The following MYLK variants were observed in gnomAD, a reference collection of about 807,000 sequenced individuals.
MYLK encodes the protein myosin light chain kinase, smooth muscle.
Under a neutral mutation model 203.4 loss-of-function variants are expected in MYLK, and 106 were observed. The ratio of observed to expected loss-of-function variants is 0.52; its 90% CI spans 0.45 to 0.61. The LOEUF is 0.61. MYLK is among the 20% of genes least tolerant of loss of function. MYLK has a pLI of 0.00. For synonymous variants in MYLK, 867 were observed against 959.5 expected, an observed-to-expected ratio of 0.90 and a Z score of 1.78; for missense variants, 2,072 against 2,442.3, an observed-to-expected ratio of 0.85 and a Z score of 3.20.
At position 123,613,722 on chromosome 3, in the gene MYLK, G is replaced by GGCTGA. The variant is rs1398288096; in HGVS notation, c.*378_*382dup. On this transcript the variant is annotated 3_prime_UTR_variant, in exon 34 of 34. Coordinates refer to ENST00000360304, the MANE Select transcript of MYLK (RefSeq NM_053025.4). The stretch of plus-strand genomic sequence containing the variant: ...GCCTCCCATCCCCAGGAACCCTCTG[G>GGCTGA]GCTGAGCTGTGGCCCAGAACTCTTG... 3.3e-6 allele frequency: 1 copy of GGCTGA among 300,318 alleles called. No individual in the cohort carries two copies. Among genetic ancestry groups the GGCTGA allele is most frequent in the East Asian group, 9.3e-5 (1 of 10,698 alleles). The allele number at this position is 300,318 out of a possible 1,614,324, so 18.6% of individuals were successfully genotyped here.
At chr3:123,854,972 C>T (rs1210384676) in intron 2 of MYLK, among the ~76,000 whole-genome samples, 1 of 152,130 alleles carries the variant, frequency 6.6e-6, no homozygotes, top group Non-Finnish European at 1.5e-5. Context: ...TTTATTTATA[C>T]ATAACTTGTA....
In MYLK at chr3:123,614,028, G is replaced by GTTTTTTTTT; in HGVS notation, c.*68_*76dup. ...ACACTAGGTGCTTTTACTATCTTGA[G>GTTTTTTTTT]TTTTTTTTTTTTTTTTGAGTTTTAG... On this transcript the variant is annotated 3_prime_UTR_variant, in exon 34 of 34. Transcript: ENST00000360304. The GTTTTTTTTT allele has an allele frequency of 7.7e-7, 1 of 1,291,578 alleles. No individual in the cohort carries two copies. Among genetic ancestry groups the GTTTTTTTTT allele is most frequent in the Non-Finnish European group, 1.1e-6 (1 of 932,596 alleles). The allele number at this position is 1,291,578 out of a possible 1,614,324, so 80.0% of individuals were successfully genotyped here. A position where few individuals can be genotyped will look rare whatever the true frequency, so the allele number is the denominator to read the frequency against.
intron 21 of MYLK, 185 bp downstream of exon 21, chr3:123,666,951 GC>G: frequency 1.6e-6 from 1 of 639,570 alleles, no homozygotes; most frequent in Non-Finnish European, 2.8e-6. Flanking sequence ...CAGGAGCCAG[GC>G]TGTGCAGAGG....
intron 5 of MYLK, among the ~76,000 whole-genome samples, chr3:123,748,345 G>A (rs1353029010): frequency 6.6e-6 from 1 of 152,186 alleles, no homozygotes; most frequent in East Asian, 1.9e-4. Flanking sequence ...TCCAACCTTG[G>A]AAATCACGTT....
chr3:123,723,873 G>A (rs1014877583), intron 12 of MYLK, among the ~76,000 whole-genome samples: 1 of 152,096 alleles, frequency 6.6e-6, no homozygotes, highest in East Asian at 1.9e-4. Flanking sequence ...TTTTTGTAGC[G>A]CCTGCAAGCT....
chr3:123,869,994 G>A (rs2032649376), intron 2 of MYLK, among the ~76,000 whole-genome samples: 1 of 151,888 alleles, frequency 6.6e-6, no homozygotes, highest in Non-Finnish European at 1.5e-5. Context: ...CAGGCATGAA[G>A]GTCACTTAGG....
intron 24 of MYLK, among the ~76,000 whole-genome samples, chr3:123,654,819 C>T (rs1276129576): frequency 6.7e-6 from 1 of 149,276 alleles, no homozygotes; most frequent in Non-Finnish European, 1.5e-5. Flanking sequence ...TGGGTTCAAG[C>T]GATCCTCCTG....
intron 8 of MYLK, among the ~76,000 whole-genome samples, chr3:123,736,543 T>C (rs564504626): frequency 6.6e-6 from 1 of 151,760 alleles, no homozygotes; most frequent in Non-Finnish European, 1.5e-5. Context: ...AGGAGACGTG[T>C]TCAACAAGAC....
chr3:123,844,798 A>G lies in MYLK; in HGVS notation c.-126-13128T>C, dbSNP rs76136778. On this transcript the variant is annotated intron_variant, in intron 2 of 33. Transcript: ENST00000360304. Reference sequence around the variant, plus strand: ...CCAGTGTGTGTCACCATTTCTGGGTAATATATAACTCTTCTCCTCAGTTGT... The same window carrying G: ...CCAGTGTGTGTCACCATTTCTGGGTGATATATAACTCTTCTCCTCAGTTGT... Among the ~76,000 whole-genome samples, 948 of 148,622 alleles carry G rather than the reference A, an allele frequency of 6.4e-3. 9 individuals are homozygous for G. The highest frequency in any genetic ancestry group is 0.02 in the African/African-American group (798 of 40,346).
chr3:123,794,412 T>C (rs983967991), intron 3 of MYLK, among the ~76,000 whole-genome samples: 1 of 151,796 alleles, frequency 6.6e-6, no homozygotes, highest in Non-Finnish European at 1.5e-5. Flanking sequence ...GGGAAGGAGG[T>C]AGGCATGGGG....
At chr3:123,715,210 C>T (rs1351564644) in intron 13 of MYLK, among the ~76,000 whole-genome samples, 3 of 152,290 alleles carry the variant, frequency 2.0e-5, no homozygotes, top group South Asian at 2.1e-4. Context: ...ATGAAATGAT[C>T]GCTCTGGTGA....
chr3:123,687,005 T>G (rs1248270013), intron 19 of MYLK, among the ~76,000 whole-genome samples: 1 of 152,158 alleles, frequency 6.6e-6, no homozygotes, highest in Non-Finnish European at 1.5e-5. Context: ...GTGGATCACC[T>G]GAGGTCAGGA....
intron 19 of MYLK, among the ~76,000 whole-genome samples, chr3:123,690,106 A>T (rs1275319617): frequency 6.6e-6 from 1 of 152,128 alleles, no homozygotes; most frequent in Non-Finnish European, 1.5e-5. Context: ...GTGGCTGGGG[A>T]AGCCAGTCTG....
intron 3 of MYLK, among the ~76,000 whole-genome samples, chr3:123,813,514 CTCTT>C (rs1410685003): frequency 2.0e-5 from 3 of 150,936 alleles, no homozygotes; most frequent in Non-Finnish European, 4.4e-5. Flanking sequence ...GTCTCTCTCT[CTCTT>C]TTTTTTTTTT....
At chr3:123,734,285 G>A in intron 9 of MYLK, 63 bp from the exon 10 acceptor site, 1 of 1,433,206 alleles carries the variant, frequency 7.0e-7, no homozygotes, top group Non-Finnish European at 9.3e-7. Context: ...ATGATCATCT[G>A]GTTACTCACA....
Position 123,675,871 on chromosome 3 carries a change from G to A in MYLK, c.3652+6353C>T, listed in dbSNP as rs180875071. On this transcript the variant is annotated intron_variant, in intron 20 of 33. Transcript: ENST00000360304. ...CCTGACCCACTCCCCTACTGTATACGCTGGTCTCATCCAGTACATGCTTAC... is the reference window on the plus strand; with the variant it reads ...CCTGACCCACTCCCCTACTGTATACACTGGTCTCATCCAGTACATGCTTAC... Among the ~76,000 whole-genome samples, 41 of 152,268 alleles carry A rather than the reference G, an allele frequency of 2.7e-4. No homozygotes were observed. In the East Asian group the frequency reaches 6.0e-3, roughly 22 times the overall value.
chr3:123,676,264 G>T (rs2060069603), intron 20 of MYLK, among the ~76,000 whole-genome samples: 1 of 152,186 alleles, frequency 6.6e-6, no homozygotes, highest in South Asian at 2.1e-4. Flanking sequence ...CCACATTTTG[G>T]TTGGGAGTAA....
chr3:123,666,112 A>G, intron 22 of MYLK, 107 bp downstream of exon 22: 2 of 1,565,384 alleles, frequency 1.3e-6, no homozygotes, highest in Non-Finnish European at 1.8e-6. Flanking sequence ...TTCTAAAGCT[A>G]CGAAGAGTGA....
intron 12 of MYLK, among the ~76,000 whole-genome samples, chr3:123,725,585 G>T (rs1432729815): frequency 6.6e-6 from 1 of 152,128 alleles, no homozygotes; most frequent in African/African-American, 2.4e-5. Context: ...TTAATTGAGG[G>T]CCTACTATGA....
Sources: gnomAD v4.1 joint callset for allele counts (sites outside exome capture counted in the v4.1 genomes callset) on GRCh38, gnomAD v4.1.1 for gene constraint, MANE v1.5 for transcripts, NCBI Gene and HGNC (gene_info 2026-07-23, HGNC 2026-07-21) for gene names.